Variants in CSPP1 observed in about 807,000 individuals in gnomAD.
CSPP1 encodes centrosome and spindle pole-associated protein 1.
In CSPP1, 126 loss-of-function variants were observed where a neutral mutation model predicts 164.4. The observed-to-expected ratio is 0.77, with a 90% confidence interval of 0.66 to 0.89. CSPP1 has a LOEUF of 0.89. Ranked by LOEUF, CSPP1 falls within the 40% of genes least tolerant of loss-of-function variation. The pLI is 0.00. For synonymous variants in CSPP1, 472 were observed against 476.7 expected (o/e 0.99, Z 0.13); for missense variants, 1,395 against 1,449.8 (o/e 0.96, Z 0.61).
intron 15 of CSPP1, among the ~76,000 whole-genome samples, chr8:67,123,551 A>G (rs143191050): frequency 9.5e-5 from 14 of 147,736 alleles, no homozygotes; most frequent in African/African-American, 1.7e-4. Flanking sequence ...ATTTTTTTCT[A>G]TATGTCTTAT....
In CSPP1 at chr8:67,064,430, C is replaced by T; in HGVS notation, c.-119C>T. The T allele has an allele frequency of 6.2e-7, 1 of 1,613,934 alleles. No individual in the cohort carries two copies. On this transcript the variant is annotated 5_prime_UTR_variant, in exon 1 of 31. Transcript: ENST00000678616. ...TTCCCGCTCCAGGTGGCCGCTGTAACCTCTTCGGTCCGCGACGATCCTCTA... is the reference window on the plus strand; with the variant it reads ...TTCCCGCTCCAGGTGGCCGCTGTAATCTCTTCGGTCCGCGACGATCCTCTA...
intron 25 of CSPP1, chr8:67,173,915 A>G (rs1340121888): frequency 5.9e-5 from 9 of 152,208 alleles, no homozygotes. Context: ...GATTGGCCAG[A>G]GACTACATGA....
chr8:67,156,020 C>T (rs1387699811), intron 19 of CSPP1, among the ~76,000 whole-genome samples: 1 of 152,024 alleles, frequency 6.6e-6, no homozygotes, highest in Non-Finnish European at 1.5e-5. Context: ...CGTAAAGGAC[C>T]GTGTGGTATA....
intron 17 of CSPP1, among the ~76,000 whole-genome samples, chr8:67,146,550 T>C (rs1044263146): frequency 6.6e-6 from 1 of 152,210 alleles, no homozygotes; most frequent in African/African-American, 2.4e-5. Flanking sequence ...TTGATATATG[T>C]ATTGTTAGTA....
intron 17 of CSPP1, among the ~76,000 whole-genome samples, chr8:67,144,408 A>G (rs1012457564): frequency 2.0e-5 from 3 of 152,088 alleles, no homozygotes; most frequent in African/African-American, 7.2e-5. Context: ...GTGTCAGGGT[A>G]ATTCTGGCCT....
At chr8:67,066,612 C>A (rs571583507) in intron 1 of CSPP1, among the ~76,000 whole-genome samples, 1 of 152,242 alleles carries the variant, frequency 6.6e-6, no homozygotes, top group African/African-American at 2.4e-5. Context: ...AGATTGATTT[C>A]TTCGTATCTC....
Position 67,159,918 on chromosome 8 carries a change from T to TTCTC in CSPP1, c.2538+784_2538+785insCTCT, listed in dbSNP as rs1827693310. Among the ~76,000 whole-genome samples, 14 of 57,196 alleles carry TTCTC rather than the reference T, an allele frequency of 2.4e-4. 1 individual carries two copies. Among genetic ancestry groups the TTCTC allele is most frequent in the Non-Finnish European group, 3.8e-4 (11 of 29,144 alleles). The allele number at this position is 57,196 out of a possible 152,430, so 37.5% of individuals were successfully genotyped here. A position where few individuals can be genotyped will look rare whatever the true frequency, so the allele number is the denominator to read the frequency against. The stretch of plus-strand genomic sequence containing the variant: ...TTTCTTTCTTTCTTTCTTTCTTTCT[T>TTCTC]TCTTTCCTTTCCTTCCTTCCTTCCT... On this transcript the variant is annotated intron_variant, in intron 21 of 30. Transcript: ENST00000678616.
rs577830235 is a variant in CSPP1 at position 67,081,462 on chromosome 8, G to C, written c.200-4545G>C. Among the ~76,000 whole-genome samples the C allele has an allele frequency of 1.1e-3, 171 of 152,064 alleles. 1 individual carries two copies. Among genetic ancestry groups the C allele is most frequent in the African/African-American group, 3.8e-3 (157 of 41,484 alleles). On this transcript the variant is annotated intron_variant, in intron 3 of 30. Coordinates refer to ENST00000678616, the MANE Select transcript of CSPP1 (RefSeq NM_001382391.1). ...AATGAAAAAATGTCTTTAATAAGGA[G>C]TTTGTCAGAATACTAGTAATATTAA... is the stretch of plus-strand genomic sequence containing the variant.
chr8:67,167,878 C>T (rs1406617361), intron 24 of CSPP1, among the ~76,000 whole-genome samples: 1 of 152,178 alleles, frequency 6.6e-6, no homozygotes, highest in Admixed American at 6.5e-5. Context: ...AGATGCTCCT[C>T]ACTTCCCAGA....
At chr8:67,164,548 T>G in intron 24 of CSPP1, 40 bp downstream of exon 24, 1 of 934,928 alleles carries the variant, frequency 1.1e-6, no homozygotes, top group East Asian at 2.4e-5. Context: ...GCTTGAGTTC[T>G]TTTATCTTAC....
intron 28 of CSPP1, among the ~76,000 whole-genome samples, chr8:67,187,654 A>C (rs1455675010): frequency 6.6e-6 from 1 of 152,208 alleles, no homozygotes; most frequent in Non-Finnish European, 1.5e-5. Context: ...ACTAAACTCC[A>C]GCCTGGGCAA....
chr8:67,162,728 C>T (rs1352207982), intron 22 of CSPP1, among the ~76,000 whole-genome samples: 1 of 151,862 alleles, frequency 6.6e-6, no homozygotes, highest in Non-Finnish European at 1.5e-5. Flanking sequence ...AGACTGAGGA[C>T]CCAAACAAAG....
At chr8:67,078,672 T>C (rs1027971505) in intron 3 of CSPP1, among the ~76,000 whole-genome samples, 1 of 151,992 alleles carries the variant, frequency 6.6e-6, no homozygotes, top group African/African-American at 2.4e-5. Flanking sequence ...TTCCATCTTT[T>C]TAAAAGTAGT....
chr8:67,079,180 T>C (rs762310670), intron 3 of CSPP1, among the ~76,000 whole-genome samples: 2 of 152,182 alleles, frequency 1.3e-5, no homozygotes, highest in African/African-American at 2.4e-5. Context: ...CTTTATTTAC[T>C]GTTAGTGTGT....
chr8:67,097,746 GAACT>G (rs1285432319), intron 7 of CSPP1, among the ~76,000 whole-genome samples: 5 of 151,114 alleles, frequency 3.3e-5, no homozygotes, highest in Non-Finnish European at 7.4e-5. Context: ...TTTTATACAT[GAACT>G]AACAAATGAA....
intron 2 of CSPP1, 43 bp from the exon 3 acceptor site, chr8:67,076,439 T>G (rs1257146586): frequency 8.5e-7 from 1 of 1,182,842 alleles, no homozygotes; most frequent in South Asian, 1.4e-5. Context: ...ATTTCATGGT[T>G]TTTTTTTTCC....
chr8:67,074,437 A>G (rs1284096585), intron 2 of CSPP1, 86 bp downstream of exon 2: 13 of 713,712 alleles, frequency 1.8e-5, no homozygotes, highest in Admixed American at 1.6e-4. Context: ...ATCCTCTTCT[A>G]TGAGTGAGAA....
At chr8:67,103,969 T>C (rs148206779) in intron 8 of CSPP1, among the ~76,000 whole-genome samples, 2 of 152,248 alleles carry the variant, frequency 1.3e-5, no homozygotes, top group East Asian at 3.9e-4. Flanking sequence ...TTAGTGCTCA[T>C]ATATTTCTGT....
chr8:67,086,166 T>A (rs780823875), intron 4 of CSPP1, 56 bp downstream of exon 4: 2 of 880,650 alleles, frequency 2.3e-6, no homozygotes, highest in Admixed American at 1.7e-5. Flanking sequence ...GCTCCTAAAT[T>A]TGTTTTCATA....
Sources: allele counts gnomAD v4.1 joint callset (sites outside exome capture counted in the v4.1 genomes callset), GRCh38; gene constraint gnomAD v4.1.1; transcripts MANE v1.5; gene names NCBI Gene and HGNC (gene_info 2026-07-23, HGNC 2026-07-21).